TARS3: variants seen among roughly 807,000 people sequenced by gnomAD.
TARS3 encodes threonyl-tRNA synthetase 3.
Under a neutral mutation model 103.5 loss-of-function variants are expected in TARS3, and 94 were observed. The ratio of observed to expected loss-of-function variants is 0.91; its 90% confidence interval spans 0.77 to 1.08. The LOEUF (loss-of-function observed/expected upper bound fraction) is 1.08. Ranked by LOEUF, TARS3 falls within the 50% of genes least tolerant of loss-of-function variation. The pLI is 0.00. For missense variants in TARS3, 952 were observed against 995.2 expected (o/e 0.96, Z 0.58); for synonymous variants, 416 against 355.4 (o/e 1.17, Z -1.92).
chr15:101,701,149 A>G lies in TARS3; in HGVS notation c.1257T>C (p.Pro419=). 2 of 1,599,114 alleles carry G rather than the reference A, an allele frequency of 1.3e-6. No individual in the cohort carries two copies. Among genetic ancestry groups the G allele is most frequent in the South Asian group, 1.2e-5 (1 of 86,854 alleles). The change falls in exon 10 of 19, where the codon CCT becomes CCC. Residue 419 remains proline, a synonymous_variant. Coordinates refer to ENST00000335968, the MANE Select transcript of TARS3 (RefSeq NM_152334.3). The stretch of plus-strand genomic sequence containing the variant: ...CTCTGGGAAGGAAAAAACAGCTTCC[A>G]GGACTCAAATCGTGGAAAAAGAAAA... ...QELFFFHDLS[P]GSCFFLPRGA...
intron 12 of TARS3, among the ~76,000 whole-genome samples, chr15:101,683,220 C>T (rs1278557851): frequency 6.6e-6 from 1 of 151,852 alleles, no homozygotes; most frequent in Non-Finnish European, 1.5e-5. Context: ...TTTTTCTTTT[C>T]TAATGCAGGT....
chr15:101,685,997 C>T lies in TARS3; in HGVS notation c.1386G>A (p.Trp462Ter). 1.2e-6 allele frequency: 2 copies of T among 1,613,978 alleles called. No homozygotes were observed. Among genetic ancestry groups the T allele is most frequent in the Non-Finnish European group, 1.7e-6 (2 of 1,179,910 alleles). The stretch of plus-strand genomic sequence containing the variant: ...AATGCTGCCAGTGGCCTGAGGCTTC[C>T]CAGAGTTTACTGTTGTACATATTGG... ...LSPNMYNSKL[W>*]EASGHWQHYS... Residue 462 changes from tryptophan (W) to a stop codon, truncating the protein, a stop_gained, in exon 11 of 19, where the codon TGG becomes TGA. Transcript: ENST00000335968. LOFTEE classifies it high-confidence loss of function.
intron 3 of TARS3, among the ~76,000 whole-genome samples, chr15:101,720,540 A>G (rs1900397132): frequency 1.3e-5 from 2 of 152,136 alleles, no homozygotes; most frequent in South Asian, 4.1e-4. Context: ...TCTCTCCTAT[A>G]TATTTTTATT....
intron 12 of TARS3, among the ~76,000 whole-genome samples, chr15:101,681,220 G>C (rs1898242906): frequency 6.6e-6 from 1 of 152,082 alleles, no homozygotes; most frequent in African/African-American, 2.4e-5. Flanking sequence ...TTCCAAATTT[G>C]TTTTTATCTT....
intron 10 of TARS3, among the ~76,000 whole-genome samples, chr15:101,694,767 A>G (rs2141418827): frequency 6.6e-6 from 1 of 152,376 alleles, no homozygotes; most frequent in South Asian, 2.1e-4. Flanking sequence ...ACACCAAAGG[A>G]GACTTTTAAA....
rs2141466724 is a variant in TARS3, at chr15:101,724,466, C to A, written c.-79G>T. 2 of 1,340,474 alleles carry A rather than the reference C, an allele frequency of 1.5e-6. No individual in the cohort carries two copies. The highest frequency in any genetic ancestry group is 9.5e-7 in the Non-Finnish European group (1 of 1,052,286). 83.0% of individuals were successfully genotyped at this position (1,340,474 alleles called of 1,614,324 possible). Reference sequence around the variant, plus strand: ...GGCGACGCGGACACTCAGCGCACGGCAGAAGACAGGGCTCCCGGGAGGGGC... The same window carrying A: ...GGCGACGCGGACACTCAGCGCACGGAAGAAGACAGGGCTCCCGGGAGGGGC... On this transcript the variant is annotated 5_prime_UTR_variant, in exon 1 of 19. Transcript: ENST00000335968.
In TARS3 at chr15:101,724,205, G is replaced by T. The variant is rs764912990; in HGVS notation, c.183C>A (p.Asn61Lys). 6.5e-7 allele frequency: 1 copy of T among 1,528,370 alleles called. No homozygotes were observed. Among genetic ancestry groups the T allele is most frequent in the South Asian group, 1.2e-5 (1 of 82,834 alleles). The allele number at this position is 1,528,370 out of a possible 1,614,324, so 94.7% of individuals were successfully genotyped here. A position where few individuals can be genotyped will look rare whatever the true frequency, so the allele number is the denominator to read the frequency against. ...TREVAQLRAE[N>K]CDLRHRLCSL... is the part of the protein sequence containing the mutation. ...TGCACAGGCGGTGGCGCAGGTCGCA[G>T]TTCTCGGCCCGGAGCTGCGCCACCT... Residue 61 changes from asparagine to lysine, a missense_variant, in exon 1 of 19, where the codon AAC (asparagine) becomes AAA (lysine). Asn to Lys is a moderately conservative substitution (Grantham distance 94, BLOSUM62 0). Transcript: ENST00000335968.
chr15:101,688,853 G>A (rs888429305), intron 10 of TARS3, among the ~76,000 whole-genome samples: 4 of 152,154 alleles, frequency 2.6e-5, no homozygotes, highest in African/African-American at 9.7e-5. Flanking sequence ...TCTAGGCTTC[G>A]CATTACTAAG....
chr15:101,710,917 A>G (rs964545482), intron 5 of TARS3, among the ~76,000 whole-genome samples: 3 of 152,124 alleles, frequency 2.0e-5, no homozygotes, highest in Admixed American at 2.0e-4. Flanking sequence ...GAGGAAGTAG[A>G]AGGATCAGAG....
At chr15:101,678,484 T>C (rs1596298474) in intron 12 of TARS3, among the ~76,000 whole-genome samples, 1 of 151,900 alleles carries the variant, frequency 6.6e-6, no homozygotes, top group African/African-American at 2.4e-5. Context: ...ATAGGTTCTC[T>C]TAGTGTATCC....
At position 101,685,795 on chromosome 15, in the gene TARS3, G is replaced by T. The variant is rs1898446630; in HGVS notation, c.1487+101C>A. 6.1e-6 allele frequency: 6 copies of T among 984,400 alleles called. No individual in the cohort carries two copies. In the South Asian group the frequency reaches 1.4e-4, roughly 23 times the overall value. The allele number at this position is 984,400 out of a possible 1,614,324, so 61.0% of individuals were successfully genotyped here. A position where few individuals can be genotyped will look rare whatever the true frequency, so the allele number is the denominator to read the frequency against. ...AAAAATTAGTAATCACCACTCTTCA[G>T]ATTAAAGGGACTCTTTCATTCCACA... On this transcript the variant is annotated intron_variant, in intron 11 of 18. Transcript: ENST00000335968.
chr15:101,718,061 A>C (rs1228893768), intron 3 of TARS3, among the ~76,000 whole-genome samples: 4 of 152,164 alleles, frequency 2.6e-5, no homozygotes, highest in African/African-American at 9.7e-5. Context: ...AGCACACAAG[A>C]AAGCAGGTAT....
chr15:101,676,033 C>T (rs1898012263), intron 12 of TARS3, among the ~76,000 whole-genome samples: 1 of 152,152 alleles, frequency 6.6e-6, no homozygotes, highest in Non-Finnish European at 1.5e-5. Flanking sequence ...CAGCAGGGGA[C>T]AAGCAAACGC....
intron 17 of TARS3, 52 bp downstream of exon 17, chr15:101,657,733 T>G: frequency 8.0e-7 from 1 of 1,256,560 alleles, no homozygotes; most frequent in Non-Finnish European, 1.1e-6. Flanking sequence ...ATCGATGACC[T>G]ACACAGAATA....
chr15:101,705,700 T>C lies in TARS3; in HGVS notation c.978A>G (p.Ala326=). The C allele has an allele frequency of 1.2e-6, 2 of 1,611,400 alleles. No homozygotes were observed. The highest frequency in any genetic ancestry group is 1.7e-6 in the Non-Finnish European group (2 of 1,178,438). ...CRILNEKVNT[A]TTTVYRCGPL... Reference sequence around the variant, plus strand: ...ACACAAACCTGTACACGGTGGTAGTTGCAGTGTTAACTTTCTCATTCAGAA... The same window carrying C: ...ACACAAACCTGTACACGGTGGTAGTCGCAGTGTTAACTTTCTCATTCAGAA... Residue 326 remains alanine (A), a synonymous_variant, in exon 7 of 19, where the codon GCA becomes GCG. Coordinates refer to ENST00000335968, the MANE Select transcript of TARS3 (RefSeq NM_152334.3).
rs975889129 is a variant in TARS3, at chr15:101,723,162, A to C, written c.300T>G (p.Pro100=). 4 of 1,613,386 alleles carry C rather than the reference A, an allele frequency of 2.5e-6. No individual in the cohort carries two copies. The Admixed American group carries it at 5.0e-5, about 20-fold the overall frequency. ...CCTTGTCTTGGCTTTGACTAGGAGG[A>C]GGCTGAAAGATAAATTATAAATGAC... The part of the protein sequence containing the change: ...LEAAQEAGAQ[P]PPSQSQDKDM... Residue 100 remains proline (P), a splice_region_variant and synonymous_variant, in exon 2 of 19, where the codon CCT becomes CCG. Coordinates refer to ENST00000335968, the MANE Select transcript of TARS3 (RefSeq NM_152334.3).
chr15:101,667,118 A>C (rs1897610754), intron 15 of TARS3, among the ~76,000 whole-genome samples: 1 of 152,162 alleles, frequency 6.6e-6, no homozygotes, highest in Non-Finnish European at 1.5e-5. Context: ...ATCTTTTGAA[A>C]TGAATCTTTT....
At chr15:101,712,955 T>G (rs1899940107) in intron 4 of TARS3, among the ~76,000 whole-genome samples, 1 of 152,248 alleles carries the variant, frequency 6.6e-6, no homozygotes, top group African/African-American at 2.4e-5. Context: ...GGCACAGCAC[T>G]GCTCCTTTGG....
chr15:101,691,455 T>C (rs1898720810), intron 10 of TARS3, among the ~76,000 whole-genome samples: 2 of 151,704 alleles, frequency 1.3e-5, no homozygotes, highest in South Asian at 4.2e-4. Flanking sequence ...AATTTTTGTA[T>C]TTTTAGTAGA....
Sources: allele counts gnomAD v4.1 joint callset (sites outside exome capture counted in the v4.1 genomes callset), GRCh38; gene constraint gnomAD v4.1.1; transcripts MANE v1.5; gene names NCBI Gene and HGNC (gene_info 2026-07-23, HGNC 2026-07-21).